The following CLCN5 variants were observed in gnomAD, a reference collection of about 807,000 sequenced individuals.
CLCN5 encodes the protein Cl-/H+ antiporter 5, also known as H(+)/Cl(-) exchange transporter 5.
In CLCN5, 17 loss-of-function variants were observed where a neutral mutation model predicts 54.0. That is an observed-to-expected ratio of 0.31 (90% CI 0.22 to 0.47). The LOEUF (loss-of-function observed/expected upper bound fraction) is 0.47, where lower values mean the gene tolerates loss of function less well. Ranked by LOEUF, CLCN5 falls within the 20% of genes least tolerant of loss-of-function variation. The pLI is 1.00. For missense variants in CLCN5, 448 were observed against 646.7 expected, an observed-to-expected ratio of 0.69 and a Z score of 3.33; for synonymous variants, 222 against 233.0, an observed-to-expected ratio of 0.95 and a Z score of 0.43.
intron 4 of CLCN5, among the ~76,000 whole-genome samples, chrX:50,060,715 A>G (rs1380149097): frequency 6.2e-5 from 7 of 112,077 alleles, no homozygotes; most frequent in Admixed American, 1.9e-4. Flanking sequence ...GGCACAGACA[A>G]ACAAAAAGAT....
rs181527012 is a variant in CLCN5, at chrX:50,079,733, A to T, written c.604-861A>T. On this transcript the variant is annotated intron_variant, in intron 7 of 14. Coordinates refer to ENST00000376091, the MANE Select transcript of CLCN5 (RefSeq NM_001127898.4). The stretch of plus-strand genomic sequence containing the variant: ...AAGATGTAGTTATATGTGGACTCTA[A>T]AAAAGAAAGTTGAGTAAACAGAACC... Among the ~76,000 whole-genome samples, 37 of 111,443 alleles carry T rather than the reference A, an allele frequency of 3.3e-4. 1 individual carries two copies. The East Asian group carries it at 0.01, about 30-fold the overall frequency.
intron 3 of CLCN5, among the ~76,000 whole-genome samples, chrX:49,930,014 A>G (rs1018842785): frequency 1.8e-5 from 2 of 111,720 alleles, no homozygotes; most frequent in Admixed American, 9.5e-5. Context: ...CTGTAACACA[A>G]AGACTTAACA....
chrX:49,995,732 G>A (rs1420024509), intron 3 of CLCN5, among the ~76,000 whole-genome samples: 1 of 112,139 alleles, frequency 8.9e-6, no homozygotes, highest in African/African-American at 3.2e-5. Context: ...GAGCTCATGA[G>A]TAAAGTCCTT....
intron 3 of CLCN5, among the ~76,000 whole-genome samples, chrX:49,937,147 G>A (rs1926040217): frequency 9.0e-6 from 1 of 111,171 alleles, no homozygotes; most frequent in South Asian, 3.8e-4. Flanking sequence ...AAAAAGGGGT[G>A]CAGAATGGTA....
In CLCN5 at chrX:49,945,668, A is replaced by C. The variant is rs373995657; in HGVS notation, c.16+20354A>C. Reference sequence around the variant, plus strand: ...ACGGGGTTTCACCATGTTGGCCAGGATGGTCTCGATCTCCTGACCTCATGA... The same window carrying C: ...ACGGGGTTTCACCATGTTGGCCAGGCTGGTCTCGATCTCCTGACCTCATGA... On this transcript the variant is annotated intron_variant, in intron 3 of 14. Transcript: ENST00000376091. Among the ~76,000 whole-genome samples the C allele has an allele frequency of 2.6e-4, 22 of 85,035 alleles. No individual in the cohort carries two copies. The East Asian group carries it at 7.4e-3, about 29-fold the overall frequency. 73.8% of individuals were successfully genotyped at this position (85,035 alleles called of 115,157 possible).
Position 50,097,452 on chromosome X carries a change from A to G in CLCN5, c.*5233A>G, listed in dbSNP as rs782642585. 1 of 111,854 alleles carries G rather than the reference A, an allele frequency of 8.9e-6. No individual in the cohort carries two copies. The highest frequency in any genetic ancestry group is 1.9e-5 in the Non-Finnish European group (1 of 53,089). The allele number at this position is 111,854 out of a possible 1,213,427, so 9.2% of individuals were successfully genotyped here. On this transcript the variant is annotated 3_prime_UTR_variant, in exon 15 of 15. Transcript: ENST00000376091. ...AATTCCTACCTCTTAGTTCCTGCCA[A>G]AGGGCCTTCAGCCTCTGTGTGCACA... is the stretch of plus-strand genomic sequence containing the variant.
At chrX:50,090,943 A>C in intron 14 of CLCN5, 57 bp downstream of exon 14, 3 of 860,142 alleles carry the variant, frequency 3.5e-6, no homozygotes, top group Admixed American at 4.8e-5. Context: ...ATGCAGAGAT[A>C]GAAAGAAGTA....
At chrX:49,991,016 A>G (rs1351699119) in intron 3 of CLCN5, among the ~76,000 whole-genome samples, 1 of 112,458 alleles carries the variant, frequency 8.9e-6, no homozygotes, top group African/African-American at 3.2e-5. Context: ...CTGCTATAAC[A>G]TGCGTGTGCA....
intron 3 of CLCN5, among the ~76,000 whole-genome samples, chrX:49,971,073 A>G (rs1439836442): frequency 2.7e-5 from 3 of 109,194 alleles, no homozygotes; most frequent in Non-Finnish European, 5.7e-5. Flanking sequence ...TATAAACGCA[A>G]TTGTTTTCTT....
intron 4 of CLCN5, among the ~76,000 whole-genome samples, chrX:50,069,260 T>TCAC (rs1557191265): frequency 8.9e-6 from 1 of 112,005 alleles, no homozygotes; most frequent in East Asian, 2.8e-4. Context: ...GGACATTTCA[T>TCAC]CACTGAATCA....
chrX:49,948,202 A>G (rs782715297), intron 3 of CLCN5, among the ~76,000 whole-genome samples: 1 of 108,998 alleles, frequency 9.2e-6, no homozygotes, highest in Admixed American at 9.8e-5. Flanking sequence ...GTAACACACA[A>G]TTACATGTTC....
intron 3 of CLCN5, among the ~76,000 whole-genome samples, chrX:50,025,665 A>G (rs1557184890): frequency 9.2e-6 from 1 of 108,181 alleles, no homozygotes; most frequent in Non-Finnish European, 1.9e-5. Context: ...TACTCTTTCC[A>G]TCTATTTATC....
In CLCN5 at chrX:50,098,304, C is replaced by T. The variant is rs782479408; in HGVS notation, c.*6085C>T. ...GGTGGCCCAGTCAGTACCTTGCTCA[C>T]GTCAGCTAAGGGGGACAGTGATGTC... On this transcript the variant is annotated 3_prime_UTR_variant, in exon 15 of 15. Transcript: ENST00000376091. The T allele has an allele frequency of 2.7e-5, 3 of 112,447 alleles. No homozygotes were observed. The highest frequency in any genetic ancestry group is 5.6e-5 in the Non-Finnish European group (3 of 53,278). The allele number at this position is 112,447 out of a possible 1,213,427, so 9.3% of individuals were successfully genotyped here.
chrX:49,924,102 TA>T (rs1925207952), intron 2 of CLCN5, among the ~76,000 whole-genome samples: 1 of 110,710 alleles, frequency 9.0e-6, no homozygotes, highest in Admixed American at 9.6e-5. Context: ...TAAGTCAAAC[TA>T]AGTCGTCAGA....
intron 3 of CLCN5, among the ~76,000 whole-genome samples, chrX:50,006,678 A>G (rs899195285): frequency 3.6e-5 from 4 of 111,568 alleles, no homozygotes; most frequent in African/African-American, 1.3e-4. Context: ...TTAATCCTTG[A>G]TACTGGTACT....
At position 50,007,623 on chromosome X, in the gene CLCN5, C is replaced by T. The variant is rs187973475; in HGVS notation, c.17-34693C>T. Reference sequence around the variant, plus strand: ...ATCTGTGTATCCCCTTGTGCAGGCACTCACACTCACAGATACTCGGACCTC... The same window carrying T: ...ATCTGTGTATCCCCTTGTGCAGGCATTCACACTCACAGATACTCGGACCTC... On this transcript the variant is annotated intron_variant, in intron 3 of 14. Transcript: ENST00000376091. Among the ~76,000 whole-genome samples the T allele has an allele frequency of 3.7e-3, 408 of 110,901 alleles. 1 individual carries two copies. The highest frequency in any genetic ancestry group is 6.3e-3 in the Non-Finnish European group (332 of 52,921).
At chrX:50,078,068 G>A (rs185155430) in intron 7 of CLCN5, among the ~76,000 whole-genome samples, 70 of 106,246 alleles carry the variant, frequency 6.6e-4, no homozygotes, top group Non-Finnish European at 1.1e-3. Flanking sequence ...ACTGAGTGAG[G>A]TGTGCCTCAT....
intron 3 of CLCN5, among the ~76,000 whole-genome samples, chrX:50,019,468 C>CTTTTTTTTTTTTTTTTT (rs1175073117): frequency 3.4e-4 from 16 of 47,674 alleles, no homozygotes; most frequent in East Asian, 6.9e-4. Flanking sequence ...TTTTTTTTTT[C>CTTTTTTTTTTTTTTTTT]TTTTTTTTTT....
chrX:50,083,875 G>T (rs921536586), intron 9 of CLCN5, among the ~76,000 whole-genome samples: 2 of 112,027 alleles, frequency 1.8e-5, no homozygotes, highest in African/African-American at 6.5e-5. Flanking sequence ...ATGGATGAAG[G>T]TGAATTTGAA....
Sources: allele counts gnomAD v4.1 joint callset (sites outside exome capture counted in the v4.1 genomes callset), GRCh38; gene constraint gnomAD v4.1.1; transcripts MANE v1.5; gene names NCBI Gene and HGNC (gene_info 2026-07-23, HGNC 2026-07-21).